JAKMIP2: variants seen among roughly 807,000 people sequenced by gnomAD.
The protein encoded by JAKMIP2 is janus kinase and microtubule-interacting protein 2.
JAKMIP2 carries 25 observed loss-of-function variants against 115.0 expected under a neutral mutation model. The observed-to-expected ratio is 0.22, with a 90% CI of 0.16 to 0.30. JAKMIP2 has a LOEUF of 0.30. Among genes scored for constraint, JAKMIP2 ranks in the 10% least tolerant of loss-of-function variants. The pLI is 1.00. For synonymous variants in JAKMIP2, 334 were observed against 343.6 expected, an observed-to-expected ratio of 0.97 and a Z score of 0.31; for missense variants, 642 against 957.6, an observed-to-expected ratio of 0.67 and a Z score of 4.35.
chr5:147,717,474 A>G (rs766306875), intron 1 of JAKMIP2, among the ~76,000 whole-genome samples: 13,474 of 126,362 alleles, frequency 0.11, 865 homozygotes, highest in Middle Eastern at 0.19. Flanking sequence ...CTTCCTACCC[A>G]TGAGCATGGA....
chr5:147,730,707 G>A (rs745955224), intron 1 of JAKMIP2, among the ~76,000 whole-genome samples: 5 of 152,168 alleles, frequency 3.3e-5, no homozygotes, highest in Admixed American at 2.0e-4. Context: ...GCCGGCCTCA[G>A]CCTCCCAAAG....
At position 147,628,838 on chromosome 5, in the gene JAKMIP2, G is replaced by A. The variant is rs3765008; in HGVS notation, c.1930-22C>T. 25,457 of 1,588,704 alleles carry A rather than the reference G, an allele frequency of 0.016. 1,837 individuals carry two copies. The African/African-American group carries it at 0.19, about 12-fold the overall frequency. On this transcript the variant is annotated intron_variant, in intron 15 of 21. Coordinates refer to ENST00000616793, the MANE Select transcript of JAKMIP2 (RefSeq NM_001270941.2). ...AATTCTGTAAAAAATAAGAAAGGCC[G>A]TCAGCTGAACATACTGACATTATTT...
At chr5:147,604,536 T>A (rs905523969) in intron 20 of JAKMIP2, among the ~76,000 whole-genome samples, 6 of 152,144 alleles carry the variant, frequency 3.9e-5, no homozygotes, top group African/African-American at 1.4e-4. Context: ...GCCCACCAAC[T>A]CCCTTTAACC....
At chr5:147,753,002 T>C (rs911807797) in intron 1 of JAKMIP2, among the ~76,000 whole-genome samples, 10 of 152,040 alleles carry the variant, frequency 6.6e-5, no homozygotes, top group Non-Finnish European at 1.3e-4. Context: ...GCACAAGAAA[T>C]TGCAAAGCAA....
intron 19 of JAKMIP2, among the ~76,000 whole-genome samples, chr5:147,615,841 C>A (rs1207347026): frequency 6.6e-6 from 1 of 151,974 alleles, no homozygotes; most frequent in Non-Finnish European, 1.5e-5. Flanking sequence ...TGAATAAATG[C>A]ATAGATGATG....
intron 7 of JAKMIP2, among the ~76,000 whole-genome samples, chr5:147,643,437 G>C (rs1757975520): frequency 6.6e-6 from 1 of 152,000 alleles, no homozygotes; most frequent in Admixed American, 6.6e-5. Flanking sequence ...CAGATGGAGA[G>C]GCAAAGAAGA....
intron 21 of JAKMIP2, 94 bp from the exon 22 acceptor site, chr5:147,591,780 T>C: frequency 1.3e-6 from 1 of 758,850 alleles, no homozygotes; most frequent in Non-Finnish European, 2.2e-6. Context: ...AAATTTTTTA[T>C]TCTTTACCAC....
At chr5:147,681,632 CA>C (rs1760284309) in intron 1 of JAKMIP2, among the ~76,000 whole-genome samples, 1 of 152,144 alleles carries the variant, frequency 6.6e-6, no homozygotes, top group Non-Finnish European at 1.5e-5. Flanking sequence ...AGAGAGACAG[CA>C]TACTTGCCCA....
chr5:147,612,255 T>C (rs368875556), intron 20 of JAKMIP2, 51 bp downstream of exon 20: 3 of 1,208,604 alleles, frequency 2.5e-6, no homozygotes, highest in Admixed American at 1.7e-5. Flanking sequence ...AAAATCAATA[T>C]TGCTTTCTGA....
chr5:147,692,898 T>C (rs537492871), intron 1 of JAKMIP2, among the ~76,000 whole-genome samples: 2 of 152,328 alleles, frequency 1.3e-5, no homozygotes, highest in South Asian at 4.1e-4. Context: ...CTGATGATAA[T>C]TACTGTAAAA....
At chr5:147,645,723 G>T (rs1758102809) in intron 5 of JAKMIP2, among the ~76,000 whole-genome samples, 1 of 152,160 alleles carries the variant, frequency 6.6e-6, no homozygotes, top group Admixed American at 6.5e-5. Context: ...ATGTTTTTTT[G>T]ATGTAAGGTG....
intron 21 of JAKMIP2, among the ~76,000 whole-genome samples, chr5:147,596,200 C>CTT (rs200069719): frequency 6.9e-6 from 1 of 145,598 alleles, no homozygotes; most frequent in South Asian, 2.2e-4. Context: ...CAAATTTGAT[C>CTT]TTTTTTTTTT....
chr5:147,774,490 T>A (rs1400338940), intron 1 of JAKMIP2, among the ~76,000 whole-genome samples: 1 of 152,190 alleles, frequency 6.6e-6, no homozygotes, highest in Non-Finnish European at 1.5e-5. Flanking sequence ...CTTCATTTAA[T>A]GGCTTATTGG....
intron 6 of JAKMIP2, 66 bp downstream of exon 6, chr5:147,644,784 A>G (rs1581345361): frequency 8.8e-6 from 12 of 1,362,174 alleles, no homozygotes; most frequent in Admixed American, 2.2e-5. Flanking sequence ...AGAAATGGCA[A>G]TAAGTCAGGT....
At chr5:147,754,069 C>CT (rs1030167328) in intron 1 of JAKMIP2, among the ~76,000 whole-genome samples, 1 of 152,170 alleles carries the variant, frequency 6.6e-6, no homozygotes, top group Non-Finnish European at 1.5e-5. Context: ...TCTCCTCCCC[C>CT]TTTTTAAAGA....
intron 1 of JAKMIP2, among the ~76,000 whole-genome samples, chr5:147,707,190 C>T (rs1470395211): frequency 6.6e-6 from 1 of 152,108 alleles, no homozygotes; most frequent in East Asian, 1.9e-4. Context: ...TGCCTGGGGT[C>T]TGTGTTAGAT....
intron 1 of JAKMIP2, among the ~76,000 whole-genome samples, chr5:147,722,946 T>C (rs1026988177): frequency 2.6e-5 from 4 of 152,146 alleles, no homozygotes; most frequent in African/African-American, 7.2e-5. Context: ...CTAGTATAGT[T>C]ACACAACATC....
intron 1 of JAKMIP2, among the ~76,000 whole-genome samples, chr5:147,707,261 C>T (rs187713633): frequency 7.9e-5 from 12 of 152,144 alleles, no homozygotes; most frequent in African/African-American, 2.2e-4. Context: ...GTAGCATCCT[C>T]GCAATCTTCA....
chr5:147,619,879 G>A (rs1756766582), intron 18 of JAKMIP2, among the ~76,000 whole-genome samples: 1 of 152,142 alleles, frequency 6.6e-6, no homozygotes, highest in South Asian at 2.1e-4. Context: ...ATCCTCGTAT[G>A]TAAGATATGA....
Sources: gnomAD v4.1 joint callset for allele counts (sites outside exome capture counted in the v4.1 genomes callset) on GRCh38, gnomAD v4.1.1 for gene constraint, MANE v1.5 for transcripts, NCBI Gene and HGNC (gene_info 2026-07-23, HGNC 2026-07-21) for gene names.